Variants in SRBD1 observed in about 807,000 individuals in gnomAD.
SRBD1 encodes the protein S1 RNA binding domain 1, also known as S1 RNA-binding domain-containing protein 1.
A neutral mutation model predicts 115.3 loss-of-function variants in SRBD1; 88 were observed. The ratio of observed to expected loss-of-function variants is 0.76; its 90% confidence interval spans 0.64 to 0.91. SRBD1 has a LOEUF of 0.91. SRBD1 is among the 40% of genes least tolerant of loss of function. The pLI is 0.00. For synonymous variants in SRBD1, 509 were observed against 407.7 expected, an observed-to-expected ratio of 1.25 and a Z score of -2.99; for missense variants, 1,385 against 1,177.4, an observed-to-expected ratio of 1.18 and a Z score of -2.58.
At chr2:45,408,192 T>C (rs191245874) in intron 19 of SRBD1, among the ~76,000 whole-genome samples, 1 of 152,136 alleles carries the variant, frequency 6.6e-6, no homozygotes, top group African/African-American at 2.4e-5. Flanking sequence ...TTAAATGGGC[T>C]TTTTTCTTCC....
intron 14 of SRBD1, among the ~76,000 whole-genome samples, chr2:45,498,093 T>C (rs541645273): frequency 7.2e-5 from 11 of 152,344 alleles, no homozygotes; most frequent in Non-Finnish European, 1.2e-4. Flanking sequence ...CTTTTTACTA[T>C]AGCTATTTTA....
At chr2:45,395,713 C>T (rs1171445722) in intron 19 of SRBD1, among the ~76,000 whole-genome samples, 1 of 152,168 alleles carries the variant, frequency 6.6e-6, no homozygotes, top group East Asian at 1.9e-4. Context: ...GACAGAGGAA[C>T]TGTAAAACGA....
chr2:45,494,374 C>G (rs1325212050), intron 14 of SRBD1, among the ~76,000 whole-genome samples: 1 of 151,476 alleles, frequency 6.6e-6, no homozygotes, highest in African/African-American at 2.4e-5. Context: ...CAGATAATGG[C>G]CAACTTTTTT....
chr2:45,435,097 A>G (rs1007108800), intron 16 of SRBD1, among the ~76,000 whole-genome samples: 1 of 152,144 alleles, frequency 6.6e-6, no homozygotes, highest in African/African-American at 2.4e-5. Context: ...TACAAAGGAC[A>G]TGAACTCATC....
At position 45,577,144 on chromosome 2, in the gene SRBD1, G is replaced by A. The variant is rs559981231; in HGVS notation, c.1073-2421C>T. Among the ~76,000 whole-genome samples, 8 of 152,154 alleles carry A rather than the reference G, an allele frequency of 5.3e-5. No individual in the cohort carries two copies. In the South Asian group the frequency reaches 1.7e-3, roughly 32 times the overall value. ...TGCCTTGAGCTACTTCTAGAGCAGT[G>A]GTTCTCAATGGGAGATAGAAATTAT... On this transcript the variant is annotated intron_variant, in intron 7 of 20. Coordinates refer to ENST00000263736, the MANE Select transcript of SRBD1 (RefSeq NM_018079.5).
intron 16 of SRBD1, among the ~76,000 whole-genome samples, chr2:45,451,761 T>A (rs374730571): frequency 3.3e-5 from 5 of 151,916 alleles, no homozygotes; most frequent in African/African-American, 1.2e-4. Context: ...GAAGAGACTT[T>A]AAGTTCATGT....
chr2:45,530,031 C>G lies in SRBD1; in HGVS notation c.1874+16701G>C, dbSNP rs539679560. 3.3e-5 allele frequency among the ~76,000 whole-genome samples: 5 copies of G among 151,986 alleles called. No individual in the cohort carries two copies. In the East Asian group the frequency reaches 7.7e-4, roughly 24 times the overall value. On this transcript the variant is annotated intron_variant, in intron 14 of 20. Coordinates refer to ENST00000263736, the MANE Select transcript of SRBD1 (RefSeq NM_018079.5). Reference sequence around the variant, plus strand: ...CAGCAGCATGGTTTAAACAATGGAACTATCTAAATTCAAACCAGGAATTAG... The same window carrying G: ...CAGCAGCATGGTTTAAACAATGGAAGTATCTAAATTCAAACCAGGAATTAG...
chr2:45,453,602 G>T (rs1669062812), intron 16 of SRBD1, among the ~76,000 whole-genome samples: 1 of 151,530 alleles, frequency 6.6e-6, no homozygotes, highest in South Asian at 2.1e-4. Flanking sequence ...TATAAATTTG[G>T]TAAATATTAA....
In SRBD1 at chr2:45,449,463, G is replaced by A. The variant is rs182469980; in HGVS notation, c.2049+27530C>T. 7.3e-3 allele frequency among the ~76,000 whole-genome samples: 1,108 copies of A among 152,170 alleles called. 18 individuals carry two copies. Among genetic ancestry groups the A allele is most frequent in the Non-Finnish European group, 6.3e-3 (431 of 67,980 alleles). ...TAAAAGTAATTTTGATTCTGAAATC[G>A]CCATATGACTTCAAAGTTATATTAC... On this transcript the variant is annotated intron_variant, in intron 16 of 20. Coordinates refer to ENST00000263736, the MANE Select transcript of SRBD1 (RefSeq NM_018079.5).
chr2:45,436,164 A>G (rs1009353845), intron 16 of SRBD1, among the ~76,000 whole-genome samples: 1 of 152,202 alleles, frequency 6.6e-6, no homozygotes, highest in Admixed American at 6.5e-5. Context: ...AAAAAATCAC[A>G]TAGTCCTAGC....
At chr2:45,541,545 C>T (rs754522282) in intron 14 of SRBD1, among the ~76,000 whole-genome samples, 2 of 152,246 alleles carry the variant, frequency 1.3e-5, no homozygotes, top group African/African-American at 2.4e-5. Context: ...CACTGAGTGA[C>T]AGAACAGCTC....
At chr2:45,567,108 T>C (rs560325227) in intron 9 of SRBD1, among the ~76,000 whole-genome samples, 1 of 152,300 alleles carries the variant, frequency 6.6e-6, no homozygotes, top group East Asian at 1.9e-4. Flanking sequence ...ATTTCTCAAT[T>C]TGTGCTTCAT....
intron 4 of SRBD1, among the ~76,000 whole-genome samples, chr2:45,594,230 G>C (rs1673821053): frequency 6.6e-6 from 1 of 152,088 alleles, no homozygotes; most frequent in Non-Finnish European, 1.5e-5. Flanking sequence ...GTCATCCCAT[G>C]GCTTTCTTCA....
intron 16 of SRBD1, among the ~76,000 whole-genome samples, chr2:45,421,953 G>A (rs1410028189): frequency 6.6e-6 from 1 of 152,114 alleles, no homozygotes; most frequent in African/African-American, 2.4e-5. Context: ...TGAGAACTTG[G>A]TTACTCTGAG....
At position 45,389,542 on chromosome 2, in the gene SRBD1, C is replaced by T; in HGVS notation, c.2756G>A (p.Gly919Glu). The change falls in exon 21 of 21, where the codon GGG (glycine) becomes GAG (glutamate). Residue 919 changes from glycine to glutamate, a missense_variant. Gly to Glu is a moderately conservative substitution (Grantham distance 98). Coordinates refer to ENST00000263736, the MANE Select transcript of SRBD1 (RefSeq NM_018079.5). ...CTCAACTTTGCCTGTAAGAACTGTC[C>T]CAATCTGCAGATCTTCCAGGCATAC... ...SIVCLEDLQI[G>E]TVLTGKVENA... 6.2e-7 allele frequency: 1 copy of T among 1,613,966 alleles called. No individual in the cohort carries two copies. Among genetic ancestry groups the T allele is most frequent in the Non-Finnish European group, 8.5e-7 (1 of 1,179,938 alleles).
rs181284460 is a variant in SRBD1, at chr2:45,414,865, T to C, written c.2334-1572A>G. On this transcript the variant is annotated intron_variant, in intron 18 of 20. Coordinates refer to ENST00000263736, the MANE Select transcript of SRBD1 (RefSeq NM_018079.5). ...ACACATATAGTGTGTATATAGTATG[T>C]ACACACAATATAGTGTGTATATAGT... Among the ~76,000 whole-genome samples the C allele has an allele frequency of 2.3e-4, 30 of 128,632 alleles. 1 individual carries two copies. The highest frequency in any genetic ancestry group is 8.9e-4 in the African/African-American group (28 of 31,528). 84.4% of individuals were successfully genotyped at this position (128,632 alleles called of 152,430 possible).
intron 6 of SRBD1, 38 bp downstream of exon 6, chr2:45,581,655 T>C (rs1458721531): frequency 6.6e-7 from 1 of 1,516,186 alleles, no homozygotes; most frequent in African/African-American, 1.4e-5. Flanking sequence ...TTGCAATATA[T>C]TCAGGTATTA....
intron 16 of SRBD1, among the ~76,000 whole-genome samples, chr2:45,429,713 C>T (rs1030490858): frequency 6.6e-6 from 1 of 152,156 alleles, no homozygotes. Context: ...TGGAAACGTT[C>T]CCTTTGAAAA....
At chr2:45,483,961 T>C (rs931856866) in intron 15 of SRBD1, among the ~76,000 whole-genome samples, 2 of 152,124 alleles carry the variant, frequency 1.3e-5, no homozygotes, top group African/African-American at 4.8e-5. Flanking sequence ...CCAACTAGTA[T>C]AAACTTTTCA....
Sources: gnomAD v4.1 joint callset for allele counts (sites outside exome capture counted in the v4.1 genomes callset) on GRCh38, gnomAD v4.1.1 for gene constraint, MANE v1.5 for transcripts, NCBI Gene and HGNC (gene_info 2026-07-23, HGNC 2026-07-21) for gene names.